Variants in EXD3 observed in about 807,000 individuals in gnomAD.
EXD3 encodes exonuclease 3'-5' domain containing 3.
Under a neutral mutation model 98.0 loss-of-function variants are expected in EXD3, and 92 were observed. The ratio of observed to expected loss-of-function variants is 0.94; its 90% CI spans 0.79 to 1.12. The LOEUF is 1.12. Ranked by LOEUF, EXD3 falls within the 50% of genes most tolerant of loss-of-function variation. EXD3 has a pLI of 0.00. For synonymous variants in EXD3, 569 were observed against 526.0 expected, an observed-to-expected ratio of 1.08 and a Z score of -1.12; for missense variants, 1,222 against 1,191.6, an observed-to-expected ratio of 1.03 and a Z score of -0.38.
chr9:137,383,371 T>C lies in EXD3; in HGVS notation c.62A>G (p.Asp21Gly). 6.5e-7 allele frequency: 1 copy of C among 1,549,196 alleles called. No homozygotes were observed. Among genetic ancestry groups the C allele is most frequent in the Non-Finnish European group, 8.7e-7 (1 of 1,146,116 alleles). ...CAGGGCCTGCAGGAGCAGGAGGGGG[T>C]CCCGGCCTGTGGAGATAAGATAACA... ...AAGERHRMGR[D>G]PLLLLQALQT... Residue 21 changes from aspartate to glycine, a missense_variant, in exon 3 of 22, where the codon GAC (aspartate) becomes GGC (glycine). Asp to Gly is a moderately conservative substitution (Grantham distance 94, BLOSUM62 -1). Coordinates refer to ENST00000340951, the MANE Select transcript of EXD3 (RefSeq NM_017820.5).
intron 3 of EXD3, among the ~76,000 whole-genome samples, chr9:137,381,591 A>C (rs1836273726): frequency 6.6e-6 from 1 of 151,046 alleles, no homozygotes; most frequent in Admixed American, 6.6e-5. Context: ...GGCTGCTCTC[A>C]CCCGCCCGGT....
At chr9:137,328,157 G>A (rs1667400540) in intron 17 of EXD3, among the ~76,000 whole-genome samples, 1 of 143,998 alleles carries the variant, frequency 6.9e-6, no homozygotes, top group Non-Finnish European at 1.5e-5. Flanking sequence ...GACATGATGA[G>A]TAAAAACAAC....
At chr9:137,315,715 T>C (rs1387628930) in intron 19 of EXD3, among the ~76,000 whole-genome samples, 1 of 152,124 alleles carries the variant, frequency 6.6e-6, no homozygotes, top group Non-Finnish European at 1.5e-5. Context: ...TCTGAGATTC[T>C]TGTTAGCAAG....
chr9:137,372,744 G>A (rs543262006), intron 5 of EXD3, among the ~76,000 whole-genome samples, 161 bp downstream of exon 5: 33 of 152,304 alleles, frequency 2.2e-4, no homozygotes, highest in Admixed American at 1.7e-3. Flanking sequence ...CCGGCACCCC[G>A]CACACAGCTG....
At chr9:137,308,605 C>T (rs539524450) in intron 20 of EXD3, among the ~76,000 whole-genome samples, 38 of 151,726 alleles carry the variant, frequency 2.5e-4, no homozygotes, top group Non-Finnish European at 1.0e-4. Context: ...GGTCGCTCCC[C>T]GTCCTCCCAC....
chr9:137,318,995 C>T (rs1479912416), intron 19 of EXD3, among the ~76,000 whole-genome samples: 6 of 152,230 alleles, frequency 3.9e-5, no homozygotes, highest in South Asian at 2.1e-4. Context: ...CCTCCGGGAA[C>T]GGCACCAAAA....
At chr9:137,321,925 T>C in intron 19 of EXD3, among the ~76,000 whole-genome samples, 1 of 152,108 alleles carries the variant, frequency 6.6e-6, no homozygotes, top group East Asian at 1.9e-4. Flanking sequence ...AGACTGGCCA[T>C]GCCCAGGTGC....
chr9:137,374,912 C>G, intron 3 of EXD3: 1 of 942,728 alleles, frequency 1.1e-6, no homozygotes, highest in Non-Finnish European at 1.3e-6. Context: ...AGATCTAGCT[C>G]TAGTGAGTTC....
chr9:137,415,364 T>G (rs1245840063), intron 1 of EXD3, among the ~76,000 whole-genome samples: 2 of 152,102 alleles, frequency 1.3e-5, no homozygotes, highest in Non-Finnish European at 2.9e-5. Flanking sequence ...CAGCTAATTT[T>G]TGTAATTTTA....
intron 17 of EXD3, among the ~76,000 whole-genome samples, chr9:137,326,078 C>CAAAAAAA (rs796346556): frequency 1.0e-5 from 1 of 95,534 alleles, no homozygotes; most frequent in Non-Finnish European, 2.2e-5. Flanking sequence ...GAACCTGTCT[C>CAAAAAAA]AAAAAAAAAA....
chr9:137,322,346 G>A (rs1832074184), intron 19 of EXD3, among the ~76,000 whole-genome samples: 1 of 150,022 alleles, frequency 6.7e-6, no homozygotes, highest in Non-Finnish European at 1.5e-5. Context: ...CCCTGGACCA[G>A]GGATTCTCTG....
intron 12 of EXD3, 92 bp downstream of exon 12, chr9:137,351,974 C>G: frequency 6.8e-7 from 1 of 1,476,926 alleles, no homozygotes; most frequent in Non-Finnish European, 9.0e-7. Context: ...AGAGGCCTTG[C>G]CTCTCTCCGA....
In EXD3 at chr9:137,324,125, T is replaced by C. The variant is rs762102176; in HGVS notation, c.2017A>G (p.Arg673Gly). ...GGCTGCCCCGACGTCAGAATGATCC[T>C]CCCCTCCTGCCTGGCAACCTGTGTG... ...RAAEVARQEG[R>G]IILTSGQPFH... The change falls in exon 18 of 22, where the codon AGG becomes GGG. Residue 673 changes from arginine to glycine, a missense_variant. Physicochemically the swap from Arg to Gly is moderately radical, Grantham distance 125. Coordinates refer to ENST00000340951, the MANE Select transcript of EXD3 (RefSeq NM_017820.5). The surrounding 1 kb of genome is among the most constrained non-coding windows in gnomAD (Gnocchi z 4.1). 46 of 1,585,482 alleles carry C rather than the reference T, an allele frequency of 2.9e-5. No homozygotes were observed. Among genetic ancestry groups the C allele is most frequent in the Non-Finnish European group, 3.9e-5 (45 of 1,166,708 alleles).
Position 137,361,745 on chromosome 9 carries a change from TAAAA to T in EXD3, c.656+4744_656+4747del, listed in dbSNP as rs200008533. ...TGGGCGACAGGGCGAGACTCTGTCTTAAAAAAAAAAAAAAAAAAATTACCAGGCA... is the reference window on the plus strand; with the variant it reads ...TGGGCGACAGGGCGAGACTCTGTCTTAAAAAAAAAAAAAAATTACCAGGCA... On this transcript the variant is annotated intron_variant, in intron 7 of 21. Transcript: ENST00000340951. Among the ~76,000 whole-genome samples, 623 of 124,354 alleles carry T rather than the reference TAAAA, an allele frequency of 5.0e-3. 4 individuals are homozygous for T. Among genetic ancestry groups the T allele is most frequent in the African/African-American group, 0.017 (575 of 33,620 alleles). 81.6% of individuals were successfully genotyped at this position (124,354 alleles called of 152,430 possible). A position where few individuals can be genotyped will look rare whatever the true frequency, so the allele number is the denominator to read the frequency against.
Position 137,327,865 on chromosome 9 carries a change from T to G in EXD3, c.1999-3722A>C, listed in dbSNP as rs928761097. Among the ~76,000 whole-genome samples the G allele has an allele frequency of 8.1e-5, 12 of 148,044 alleles. 2 individuals are homozygous for G. Among genetic ancestry groups the G allele is most frequent in the African/African-American group, 1.5e-4 (6 of 39,750 alleles). ...TAAAAACAACGAATATACTCCCACA[T>G]GATGAATAAAAACAATGAATAAACA... On this transcript the variant is annotated intron_variant, in intron 17 of 21. Transcript: ENST00000340951.
rs924380365 is a variant in EXD3 at position 137,347,536 on chromosome 9, G to A, written c.1998+535C>T. On this transcript the variant is annotated intron_variant, in intron 17 of 21. Coordinates refer to ENST00000340951, the MANE Select transcript of EXD3 (RefSeq NM_017820.5). This position sits in a 1 kb window ranked among gnomAD's most constrained non-coding sequence, Gnocchi z 4.2. ...TCAGCTCACTGTAACCTCTGCCTCC[G>A]GTGTTTAAGCGATTCTCGTGTCTCA... 4.0e-5 allele frequency among the ~76,000 whole-genome samples: 6 copies of A among 151,824 alleles called. No individual in the cohort carries two copies. The highest frequency in any genetic ancestry group is 1.9e-4 in the East Asian group (1 of 5,174).
At chr9:137,355,449 AT>A in intron 8 of EXD3, among the ~76,000 whole-genome samples, 1 of 104,018 alleles carries the variant, frequency 9.6e-6, no homozygotes, top group African/African-American at 4.6e-5. Context: ...GGAAGGGAGG[AT>A]GGAGGAAGGA....
intron 3 of EXD3, among the ~76,000 whole-genome samples, chr9:137,374,279 G>A (rs377165105): frequency 2.0e-5 from 3 of 152,228 alleles, no homozygotes; most frequent in African/African-American, 4.8e-5. Flanking sequence ...ACAGCTCAGC[G>A]CTCGGGACAG....
rs11507669 is a variant in EXD3, at chr9:137,385,366, A to G, written c.56-1989T>C. ...TGGCAGGCAGTGTGACTGGCCCCGC[A>G]TTCTGGGTGCTGCATGCTGGGCATG... On this transcript the variant is annotated intron_variant, in intron 2 of 21. Transcript: ENST00000340951. This position sits in a 1 kb window ranked among gnomAD's most constrained non-coding sequence, Gnocchi z 4.4. Among the ~76,000 whole-genome samples the G allele has an allele frequency of 0.67, 99,756 of 149,386 alleles. 34,487 individuals are homozygous for G. Among genetic ancestry groups the G allele is most frequent in the African/African-American group, 0.87 (35,923 of 41,340 alleles).
Sources: gnomAD v4.1 joint callset for allele counts (sites outside exome capture counted in the v4.1 genomes callset) on GRCh38, gnomAD v4.1.1 for gene constraint, Gnocchi (gnomAD v3.1) non-coding constraint, MANE v1.5 for transcripts, NCBI Gene and HGNC (gene_info 2026-07-23, HGNC 2026-07-21) for gene names.